DHX30: variants seen among roughly 807,000 people sequenced by gnomAD.
The protein encoded by DHX30 is DExH-box helicase 30.
DHX30 carries 4 observed loss-of-function variants against 116.9 expected under a neutral mutation model. That is an observed-to-expected ratio of 0.03 (90% confidence interval 0.02 to 0.08). The LOEUF (loss-of-function observed/expected upper bound fraction) is 0.08. DHX30 is among the 10% of genes least tolerant of loss of function. The pLI is 1.00. For synonymous variants in DHX30, 697 were observed against 651.7 expected (o/e 1.07, Z -1.06); for missense variants, 871 against 1,595.1 (o/e 0.55, Z 7.73).
rs1363189180 is a variant in DHX30 at position 47,849,929 on chromosome 3, T to C, written c.3394T>C (p.Ser1132Pro). Residue 1132 changes from serine (S) to proline (P), a missense_variant, in exon 22 of 22, where the codon TCG becomes CCG. Coordinates refer to ENST00000445061, the MANE Select transcript of DHX30 (RefSeq NM_138615.3). ...DSDLLRLEGD[S>P]RTVRLLKELR... ...TGACCTGCTGCGGCTGGAGGGTGAC[T>C]CGCGTACCGTGCGGCTGCTGAAGGA... 6.2e-7 allele frequency: 1 copy of C among 1,613,302 alleles called. No homozygotes were observed.
At chr3:47,826,019 A>G (rs1368274763) in intron 4 of DHX30, 1 of 152,294 alleles carries the variant, frequency 6.6e-6, no homozygotes, top group African/African-American at 2.4e-5. Context: ...CAGCAGAGTT[A>G]CATCAGAACG....
Position 47,847,140 on chromosome 3 carries a change from C to T in DHX30, c.1930-133C>T, listed in dbSNP as rs1057145860. ...TTCCTTGATAGAAACTGGGGACTAA[C>T]CCTGCCTGCGTGGCACACGTGAGGA... On this transcript the variant is annotated intron_variant, in intron 11 of 21. Coordinates refer to ENST00000445061, the MANE Select transcript of DHX30 (RefSeq NM_138615.3). The surrounding 1 kb of genome is among the most constrained non-coding windows in gnomAD (Gnocchi z 5.5). 5 of 1,474,428 alleles carry T rather than the reference C, an allele frequency of 3.4e-6. No individual in the cohort carries two copies. The highest frequency in any genetic ancestry group is 4.7e-6 in the Non-Finnish European group (5 of 1,067,774). The allele number at this position is 1,474,428 out of a possible 1,614,324, so 91.3% of individuals were successfully genotyped here.
chr3:47,838,474 C>T (rs1160555660), intron 6 of DHX30, among the ~76,000 whole-genome samples: 1 of 152,114 alleles, frequency 6.6e-6, no homozygotes, highest in Admixed American at 6.6e-5. Context: ...CCTTAGTTCA[C>T]CTTAGGTAGG....
chr3:47,831,924 C>CTTTT (rs1448275730), intron 6 of DHX30, among the ~76,000 whole-genome samples: 58 of 120,408 alleles, frequency 4.8e-4, no homozygotes, highest in East Asian at 1.1e-3. Flanking sequence ...AGGCCTTTTC[C>CTTTT]TTTTTCTTTT....
chr3:47,812,944 C>T (rs977517591), intron 3 of DHX30, among the ~76,000 whole-genome samples: 5 of 148,998 alleles, frequency 3.4e-5, no homozygotes, highest in Admixed American at 6.7e-5. Context: ...GGATTACAGG[C>T]GTGAGCCACC....
chr3:47,823,996 CTTTTTTTTTTT>C (rs759550719), intron 4 of DHX30, among the ~76,000 whole-genome samples: 23 of 100,380 alleles, frequency 2.3e-4, no homozygotes, highest in Middle Eastern at 9.1e-3. Flanking sequence ...TTTTCTTTTC[CTTTTTTTTTTT>C]TTTTTTTTTT....
chr3:47,807,336 T>C, intron 2 of DHX30, among the ~76,000 whole-genome samples: 1 of 152,136 alleles, frequency 6.6e-6, no homozygotes, highest in South Asian at 2.1e-4. Flanking sequence ...TATCGTTTTT[T>C]TAGATTAGTA....
chr3:47,840,870 C>T lies in DHX30; in HGVS notation c.367-7C>T, dbSNP rs1314317137. On this transcript the variant is annotated splice_polypyrimidine_tract_variant and splice_region_variant and intron_variant, in intron 6 of 21. Coordinates refer to ENST00000445061, the MANE Select transcript of DHX30 (RefSeq NM_138615.3). Reference sequence around the variant, plus strand: ...TCAATCCTTAAAACGTCCCTTTTCCCCTCCAGGGTTGGGGTCTGCTAGGTC... The same window carrying T: ...TCAATCCTTAAAACGTCCCTTTTCCTCTCCAGGGTTGGGGTCTGCTAGGTC... 16 of 1,613,932 alleles carry T rather than the reference C, an allele frequency of 9.9e-6. No individual in the cohort carries two copies. The highest frequency in any genetic ancestry group is 1.7e-5 in the Admixed American group (1 of 59,964).
Position 47,841,057 on chromosome 3 carries a change from C to T in DHX30, c.547C>T (p.Arg183Cys), listed in dbSNP as rs756219191. The change falls in exon 7 of 22, where the codon CGC becomes TGC. Residue 183 changes from arginine (R) to cysteine (C), a missense_variant. Arg to Cys is a radical substitution (Grantham distance 180). Coordinates refer to ENST00000445061, the MANE Select transcript of DHX30 (RefSeq NM_138615.3). Reference sequence around the variant, plus strand: ...ACCAGGGGGACCTGGGGGCCTATCCCGCTCTTTAGGCCGGGAAGAAGAGGA... The same window carrying T: ...ACCAGGGGGACCTGGGGGCCTATCCTGCTCTTTAGGCCGGGAAGAAGAGGA... ...IRPGGPGGLS[R>C]SLGREEEEDE... is the part of the protein sequence containing the mutation. 8.1e-6 allele frequency: 13 copies of T among 1,614,018 alleles called. No homozygotes were observed. Among genetic ancestry groups the T allele is most frequent in the African/African-American group, 2.7e-5 (2 of 74,914 alleles).
chr3:47,832,934 T>C (rs1010332107), intron 6 of DHX30, among the ~76,000 whole-genome samples: 2 of 149,442 alleles, frequency 1.3e-5, no homozygotes, highest in African/African-American at 4.9e-5. Flanking sequence ...CCACTGTGCC[T>C]GGCCTCTTTT....
intron 9 of DHX30, among the ~76,000 whole-genome samples, chr3:47,843,815 C>T (rs1466694601): frequency 6.6e-6 from 1 of 152,230 alleles, no homozygotes; most frequent in African/African-American, 2.4e-5. Context: ...CCTTTCACCT[C>T]AGCCTCCTGC....
chr3:47,821,314 G>A (rs538622904), intron 4 of DHX30, among the ~76,000 whole-genome samples: 2 of 151,644 alleles, frequency 1.3e-5, no homozygotes, highest in Non-Finnish European at 2.9e-5. Context: ...TGCCCAGGTG[G>A]GAGTGCAATG....
At chr3:47,849,832 AC>A (rs781401246) in intron 21 of DHX30, 34 bp from the exon 22 acceptor site, 1 of 1,608,840 alleles carries the variant, frequency 6.2e-7, no homozygotes, top group South Asian at 1.1e-5. Context: ...GCCTGGCCTC[AC>A]CACAGTTCCC....
intron 6 of DHX30, among the ~76,000 whole-genome samples, chr3:47,839,572 G>A (rs938893254): frequency 3.3e-5 from 5 of 152,046 alleles, no homozygotes; most frequent in Non-Finnish European, 4.4e-5. Context: ...GGGATTACAT[G>A]CGTGAGCCAC....
intron 9 of DHX30, 185 bp from the exon 10 acceptor site, chr3:47,845,515 C>T (rs1576516029): frequency 6.1e-6 from 4 of 650,732 alleles, no homozygotes; most frequent in African/African-American, 3.7e-5. Flanking sequence ...TTTTTTAAAA[C>T]GTTTATTTTG....
chr3:47,813,069 T>G (rs1001884259), intron 3 of DHX30, among the ~76,000 whole-genome samples: 9 of 149,766 alleles, frequency 6.0e-5, no homozygotes, highest in Admixed American at 6.0e-4. Context: ...CCGGGCGCGG[T>G]GGCTCACGCC....
At chr3:47,816,182 A>G in intron 3 of DHX30, 3 of 977,500 alleles carry the variant, frequency 3.1e-6, no homozygotes, top group Non-Finnish European at 3.6e-6. Context: ...AAAATCACAC[A>G]TCTATAATAT....
At chr3:47,834,184 A>G (rs778142577) in intron 6 of DHX30, among the ~76,000 whole-genome samples, 10 of 150,990 alleles carry the variant, frequency 6.6e-5, no homozygotes, top group Non-Finnish European at 1.3e-4. Context: ...GCTCACTGCA[A>G]CCTCCGCCTC....
rs1235818682 is a variant in DHX30 at position 47,840,646 on chromosome 3, AAAAC to A, written c.367-225_367-222del. Among the ~76,000 whole-genome samples, 3 of 152,218 alleles carry A rather than the reference AAAAC, an allele frequency of 2.0e-5. No homozygotes were observed. The East Asian group carries it at 5.8e-4, about 30-fold the overall frequency. On this transcript the variant is annotated intron_variant, in intron 6 of 21. Coordinates refer to ENST00000445061, the MANE Select transcript of DHX30 (RefSeq NM_138615.3). ...GCGAGACCCTGTGTCAAAAAAACAAAAAACAAACAGTATCTTCTGCTCACCCATT... is the reference window on the plus strand; with the variant it reads ...GCGAGACCCTGTGTCAAAAAAACAAAAAACAGTATCTTCTGCTCACCCATT...
Sources: allele counts gnomAD v4.1 joint callset (sites outside exome capture counted in the v4.1 genomes callset), GRCh38; gene constraint gnomAD v4.1.1; non-coding constraint Gnocchi (gnomAD v3.1); transcripts MANE v1.5; gene names NCBI Gene and HGNC (gene_info 2026-07-23, HGNC 2026-07-21).